The following SMYD3 variants were observed in gnomAD, a reference collection of about 807,000 sequenced individuals.
The protein encoded by SMYD3 is histone-lysine N-methyltransferase SMYD3.
SMYD3 carries 36 observed loss-of-function variants against 57.7 expected under a neutral mutation model. The ratio of observed to expected loss-of-function variants is 0.62; its 90% CI spans 0.48 to 0.82. The LOEUF is 0.82. SMYD3 is among the 40% of genes least tolerant of loss of function. The pLI, the probability that SMYD3 is intolerant of heterozygous loss-of-function variation, is 0.00. For synonymous variants in SMYD3, 211 were observed against 195.0 expected (o/e 1.08, Z -0.68); for missense variants, 515 against 538.8 (o/e 0.96, Z 0.44).
intron 10 of SMYD3, among the ~76,000 whole-genome samples, chr1:245,827,320 C>T (rs1468576748): frequency 6.6e-6 from 1 of 152,126 alleles, no homozygotes; most frequent in Non-Finnish European, 1.5e-5. Flanking sequence ...CAACAGAGAG[C>T]GACACTGAGG....
Position 246,355,790 on chromosome 1 carries a change from A to G in SMYD3, c.165-696T>C, listed in dbSNP as rs149004768. Among the ~76,000 whole-genome samples, 56 of 152,180 alleles carry G rather than the reference A, an allele frequency of 3.7e-4. No homozygotes were observed. The highest frequency in any genetic ancestry group is 6.0e-4 in the Non-Finnish European group (41 of 67,986). The stretch of plus-strand genomic sequence containing the variant: ...CCCCATCCCAACAGCAGCCGCAGCA[A>G]TCCCCAGCCAAGGAGAATCTGAGCT... On this transcript the variant is annotated intron_variant, in intron 1 of 11. Coordinates refer to ENST00000490107, the MANE Select transcript of SMYD3 (RefSeq NM_001167740.2). This position sits in a 1 kb window ranked among gnomAD's most constrained non-coding sequence, Gnocchi z 5.0.
chr1:246,309,154 T>C (rs1189875090), intron 5 of SMYD3, among the ~76,000 whole-genome samples: 2 of 151,854 alleles, frequency 1.3e-5, no homozygotes, highest in Non-Finnish European at 2.9e-5. Context: ...CTAGCAATAC[T>C]AAAAAAAAGT....
At chr1:245,903,825 T>G (rs907167751) in intron 8 of SMYD3, among the ~76,000 whole-genome samples, 1 of 152,210 alleles carries the variant, frequency 6.6e-6, no homozygotes, top group Non-Finnish European at 1.5e-5. Context: ...GTCCCGAGGC[T>G]GCACACTGCA....
intron 5 of SMYD3, among the ~76,000 whole-genome samples, chr1:246,191,930 T>C (rs1278121104): frequency 1.3e-5 from 2 of 152,240 alleles, no homozygotes; most frequent in Non-Finnish European, 2.9e-5. Context: ...GTTATTCTGA[T>C]GCACCTTGAA....
At chr1:245,972,932 G>A (rs562246217) in intron 5 of SMYD3, among the ~76,000 whole-genome samples, 5 of 152,178 alleles carry the variant, frequency 3.3e-5, no homozygotes, top group Non-Finnish European at 7.3e-5. Flanking sequence ...ACGAGAACCT[G>A]GCCTTACCTT....
intron 5 of SMYD3, among the ~76,000 whole-genome samples, chr1:246,279,105 C>A (rs553125793): frequency 9.2e-5 from 14 of 152,182 alleles, no homozygotes; most frequent in Non-Finnish European, 1.8e-4. Flanking sequence ...GAGAACAGTA[C>A]CTACTGTCCT....
At chr1:246,014,000 T>C (rs2059331470) in intron 5 of SMYD3, among the ~76,000 whole-genome samples, 2 of 152,202 alleles carry the variant, frequency 1.3e-5, no homozygotes, top group Non-Finnish European at 2.9e-5. Context: ...TTGGAGGAAT[T>C]TGGCTTTCAT....
At chr1:246,315,289 G>A (rs965280433) in intron 5 of SMYD3, among the ~76,000 whole-genome samples, 9 of 152,122 alleles carry the variant, frequency 5.9e-5, no homozygotes, top group African/African-American at 2.2e-4. Flanking sequence ...AGAAAGTAGG[G>A]GATAGTCACA....
At chr1:246,036,834 G>A (rs1489329848) in intron 5 of SMYD3, among the ~76,000 whole-genome samples, 1 of 151,640 alleles carries the variant, frequency 6.6e-6, no homozygotes, top group Non-Finnish European at 1.5e-5. Context: ...AAAGTGCTGG[G>A]ATTATAGGCA....
At chr1:246,501,959 G>A (rs1024760738) in intron 1 of SMYD3, among the ~76,000 whole-genome samples, 12 of 152,076 alleles carry the variant, frequency 7.9e-5, no homozygotes, top group Non-Finnish European at 1.6e-4. Flanking sequence ...CACCACTGCT[G>A]TTGCCTTTTC....
chr1:246,035,700 T>C (rs1209198202), intron 5 of SMYD3: 1 of 152,234 alleles, frequency 6.6e-6, no homozygotes, highest in Non-Finnish European at 1.5e-5. Context: ...TGCAAAGCAA[T>C]TACGGCTGAA....
At position 245,981,166 on chromosome 1, in the gene SMYD3, A is replaced by G. The variant is rs544021474; in HGVS notation, c.532-51229T>C. Among the ~76,000 whole-genome samples the G allele has an allele frequency of 2.0e-4, 30 of 152,354 alleles. No individual in the cohort carries two copies. In the South Asian group the frequency reaches 5.8e-3, roughly 29 times the overall value. ...CTACCTGATTTATAGTAGGTGCTCA[A>G]TAAGTCTGCAAAGAATAAACATGAG... On this transcript the variant is annotated intron_variant, in intron 5 of 11. Transcript: ENST00000490107.
chr1:246,425,819 T>C (rs528516179), intron 1 of SMYD3, among the ~76,000 whole-genome samples: 4 of 152,342 alleles, frequency 2.6e-5, no homozygotes, highest in Admixed American at 6.5e-5. Flanking sequence ...TTCAGAATGA[T>C]GCCATTTCGT....
chr1:246,150,973 C>T (rs2061932127), intron 5 of SMYD3, among the ~76,000 whole-genome samples: 1 of 152,152 alleles, frequency 6.6e-6, no homozygotes. Context: ...CTTGGCTGGG[C>T]GCAGTGGCTC....
chr1:246,016,076 G>A (rs912371456), intron 5 of SMYD3, among the ~76,000 whole-genome samples: 51 of 152,016 alleles, frequency 3.4e-4, no homozygotes, highest in African/African-American at 1.2e-3. Flanking sequence ...CGTCAGTGGC[G>A]GACAGAAAAG....
At chr1:246,225,336 A>AC in intron 5 of SMYD3, among the ~76,000 whole-genome samples, 1 of 69,332 alleles carries the variant, frequency 1.4e-5, no homozygotes, top group Non-Finnish European at 2.9e-5. Flanking sequence ...AAAAAAAAAA[A>AC]AAAAAAAAAA....
At chr1:246,130,369 A>G (rs1263240736) in intron 5 of SMYD3, among the ~76,000 whole-genome samples, 2 of 152,130 alleles carry the variant, frequency 1.3e-5, no homozygotes, top group Admixed American at 6.5e-5. Flanking sequence ...TGTCTCCCAA[A>G]AACCAAAATA....
chr1:245,869,955 T>G (rs1248690160), intron 8 of SMYD3, among the ~76,000 whole-genome samples: 1 of 152,244 alleles, frequency 6.6e-6, no homozygotes, highest in Admixed American at 6.5e-5. Flanking sequence ...CAGGCCCCTC[T>G]GCACAGCCCC....
chr1:246,064,266 A>G (rs1366025190), intron 5 of SMYD3, among the ~76,000 whole-genome samples: 2 of 152,180 alleles, frequency 1.3e-5, no homozygotes, highest in Non-Finnish European at 2.9e-5. Context: ...CCTCCCGAGC[A>G]TAGTGGAAAA....
Sources: allele counts gnomAD v4.1 joint callset (sites outside exome capture counted in the v4.1 genomes callset), GRCh38; gene constraint gnomAD v4.1.1; non-coding constraint Gnocchi (gnomAD v3.1); transcripts MANE v1.5; gene names NCBI Gene and HGNC (gene_info 2026-07-23, HGNC 2026-07-21).